NPAT: variants seen among roughly 807,000 people sequenced by gnomAD.
NPAT encodes the protein nuclear protein, coactivator of histone transcription.
In NPAT, 52 loss-of-function variants were observed where a neutral mutation model predicts 130.7. The ratio of observed to expected loss-of-function variants is 0.40; its 90% CI spans 0.32 to 0.50. The LOEUF is 0.50. Ranked by LOEUF, NPAT falls within the 20% of genes least tolerant of loss-of-function variation. NPAT has a pLI of 0.68. For synonymous variants in NPAT, 580 were observed against 584.8 expected, an observed-to-expected ratio of 0.99 and a Z score of 0.12; for missense variants, 1,687 against 1,662.6, an observed-to-expected ratio of 1.01 and a Z score of -0.26.
chr11:108,182,796 T>C (rs964195586), intron 10 of NPAT, among the ~76,000 whole-genome samples: 1 of 152,266 alleles, frequency 6.6e-6, no homozygotes, highest in Non-Finnish European at 1.5e-5. Flanking sequence ...AGCTAAATCT[T>C]AATTCTTAAC....
intron 2 of NPAT, among the ~76,000 whole-genome samples, chr11:108,195,375 G>GT (rs529119576): frequency 1.8e-4 from 28 of 152,288 alleles, no homozygotes; most frequent in African/African-American, 6.7e-4. Context: ...TTTTAAACCT[G>GT]TTTTCTTATT....
At chr11:108,179,270 T>C (rs964891004) in intron 10 of NPAT, among the ~76,000 whole-genome samples, 23 of 152,326 alleles carry the variant, frequency 1.5e-4, no homozygotes, top group African/African-American at 5.3e-4. Context: ...CTTATAAATT[T>C]CATATTATAC....
At chr11:108,202,724 T>C (rs2078285766) in intron 1 of NPAT, among the ~76,000 whole-genome samples, 2 of 152,148 alleles carry the variant, frequency 1.3e-5, no homozygotes, top group Non-Finnish European at 2.9e-5. Context: ...GGAACCCAAA[T>C]AATGGGAGGT....
At chr11:108,182,794 C>T (rs548184108) in intron 10 of NPAT, among the ~76,000 whole-genome samples, 1 of 152,370 alleles carries the variant, frequency 6.6e-6, no homozygotes, top group South Asian at 2.1e-4. Flanking sequence ...CCAGCTAAAT[C>T]TTAATTCTTA....
At chr11:108,176,091 A>G (rs2078002889) in intron 12 of NPAT, among the ~76,000 whole-genome samples, 155 bp downstream of exon 12, 1 of 152,222 alleles carries the variant, frequency 6.6e-6, no homozygotes, top group Admixed American at 6.5e-5. Flanking sequence ...TCAAACTACC[A>G]AAGATTTATA....
intron 1 of NPAT, among the ~76,000 whole-genome samples, chr11:108,218,114 A>G (rs527893828): frequency 1.3e-4 from 20 of 152,354 alleles, no homozygotes; most frequent in Middle Eastern, 3.4e-3. Flanking sequence ...TTATTCCTAA[A>G]AACAACTTAA....
intron 15 of NPAT, among the ~76,000 whole-genome samples, chr11:108,166,491 A>G (rs2077904236): frequency 6.6e-6 from 1 of 152,202 alleles, no homozygotes; most frequent in Non-Finnish European, 1.5e-5. Context: ...TTTTACTTTT[A>G]GGTCTTTAAT....
chr11:108,208,337 T>C (rs2078349036), intron 1 of NPAT: 1 of 360,658 alleles, frequency 2.8e-6, no homozygotes, highest in South Asian at 1.9e-5. Context: ...CTGGGTGAAG[T>C]AGCTCACTTT....
rs370417293 is a variant in NPAT at position 108,176,982 on chromosome 11, T to C, written c.1003+12A>G. 105 of 1,555,422 alleles carry C rather than the reference T, an allele frequency of 6.8e-5. No homozygotes were observed. Among genetic ancestry groups the C allele is most frequent in the South Asian group, 2.2e-4 (20 of 89,726 alleles). On this transcript the variant is annotated intron_variant, in intron 11 of 17. Coordinates refer to ENST00000278612, the MANE Select transcript of NPAT (RefSeq NM_002519.3). ...CCTTTTTTTTCTGTCTTGAAATAAATAGTCTCCTTACCATAGTCAAAGAGA... is the reference window on the plus strand; with the variant it reads ...CCTTTTTTTTCTGTCTTGAAATAAACAGTCTCCTTACCATAGTCAAAGAGA...
intron 17 of NPAT, 77 bp from the exon 18 acceptor site, chr11:108,159,096 T>C (rs2077822197): frequency 1.1e-6 from 1 of 873,458 alleles, no homozygotes; most frequent in South Asian, 1.4e-5. Context: ...TAAAACAGTA[T>C]ATTGGGTTCT....
chr11:108,179,624 G>A (rs2078041135), intron 10 of NPAT, among the ~76,000 whole-genome samples: 1 of 152,106 alleles, frequency 6.6e-6, no homozygotes, highest in Admixed American at 6.6e-5. Context: ...AGGAAGGGTG[G>A]CTTATCCTCG....
chr11:108,208,763 A>T (rs2078354576), intron 1 of NPAT, among the ~76,000 whole-genome samples: 3 of 152,200 alleles, frequency 2.0e-5, no homozygotes, highest in Admixed American at 6.5e-5. Context: ...TAGGCAGAAG[A>T]TCAATAAACA....
intron 1 of NPAT, among the ~76,000 whole-genome samples, chr11:108,211,825 C>T (rs573820523): frequency 8.1e-4 from 124 of 152,224 alleles, no homozygotes; most frequent in South Asian, 1.7e-3. Context: ...TGGCATGTGC[C>T]TATAGTTCCA....
chr11:108,158,166 C>T lies in NPAT; in HGVS notation c.*776G>A, dbSNP rs976660020. On this transcript the variant is annotated 3_prime_UTR_variant, in exon 18 of 18. Transcript: ENST00000278612. ...CCAGCATTTAGGGGAAAAGTACATACCGAGAAATCTCTACTACAAACCAAA... is the reference window on the plus strand; with the variant it reads ...CCAGCATTTAGGGGAAAAGTACATATCGAGAAATCTCTACTACAAACCAAA... The T allele has an allele frequency of 6.6e-6, 1 of 152,302 alleles. No homozygotes were observed. The highest frequency in any genetic ancestry group is 2.4e-5 in the African/African-American group (1 of 41,362). The allele number at this position is 152,302 out of a possible 1,614,324, so 9.4% of individuals were successfully genotyped here.
intron 1 of NPAT, among the ~76,000 whole-genome samples, chr11:108,200,343 TA>T (rs1247375580): frequency 1.3e-5 from 2 of 152,124 alleles, no homozygotes; most frequent in African/African-American, 4.8e-5. Context: ...CCCAACCCCT[TA>T]GTTATAGTTG....
chr11:108,222,479 C>G, intron 1 of NPAT, 21 bp downstream of exon 1: 2 of 1,613,284 alleles, frequency 1.2e-6, no homozygotes, highest in East Asian at 2.2e-5. Flanking sequence ...CAATAACCCT[C>G]CATCCCGCGT....
Position 108,169,781 on chromosome 11 carries a change from A to G in NPAT, c.2973T>C (p.Ser991=). The change falls in exon 15 of 18, where the codon TCT becomes TCC. Residue 991 remains serine, a synonymous_variant. Transcript: ENST00000278612. ...SIPQFPVPPK[S]QKAQGLRNKP... is the part of the protein sequence containing the mutation. ...TGTTTCTTAGTCCCTGAGCCTTCTGAGATTTTGGAGGGACGGGGAATTGAG... is the reference window on the plus strand; with the variant it reads ...TGTTTCTTAGTCCCTGAGCCTTCTGGGATTTTGGAGGGACGGGGAATTGAG... 1 of 1,613,926 alleles carries G rather than the reference A, an allele frequency of 6.2e-7. No individual in the cohort carries two copies.
chr11:108,188,301 G>T, intron 6 of NPAT, 122 bp from the exon 7 acceptor site: 1 of 761,764 alleles, frequency 1.3e-6, no homozygotes. Flanking sequence ...TGTACTGAGT[G>T]CCTACCATGT....
At chr11:108,162,917 T>G (rs1279937102) in intron 15 of NPAT, among the ~76,000 whole-genome samples, 2 of 152,200 alleles carry the variant, frequency 1.3e-5, no homozygotes, top group East Asian at 1.9e-4. Context: ...TCTGGAGTTC[T>G]AATAGCCATA....
Sources: allele counts gnomAD v4.1 joint callset (sites outside exome capture counted in the v4.1 genomes callset), GRCh38; gene constraint gnomAD v4.1.1; transcripts MANE v1.5; gene names NCBI Gene and HGNC (gene_info 2026-07-23, HGNC 2026-07-21).